BRD1: variants seen among roughly 807,000 people sequenced by gnomAD.
The protein encoded by BRD1 is bromodomain containing 1, also known as bromodomain-containing protein 1.
BRD1 carries 24 observed loss-of-function variants against 107.7 expected under a neutral mutation model. That is an observed-to-expected ratio of 0.22 (90% CI 0.16 to 0.31). The LOEUF (loss-of-function observed/expected upper bound fraction) is 0.31. Ranked by LOEUF, BRD1 falls within the 10% of genes least tolerant of loss-of-function variation. The probability of loss-of-function intolerance (pLI) is 1.00; values close to 1 mark genes in which losing one functional copy is unlikely to be tolerated. For missense variants in BRD1, 1,279 were observed against 1,638.6 expected (o/e 0.78, Z 3.79); for synonymous variants, 744 against 686.1 (o/e 1.08, Z -1.32).
rs901500399 is a variant in BRD1 at position 49,777,790 on chromosome 22, C to T, written c.2881G>A (p.Ala961Thr). Residue 961 changes from alanine (A) to threonine (T), a missense_variant, in exon 9 of 13, where the codon GCG (alanine) becomes ACG (threonine). Around this residue, in one of 7 missense-constraint regions of BRD1, gnomAD observed 263 missense variants for 251.6 expected, o/e 1.05. Coordinates refer to ENST00000404760, the MANE Select transcript of BRD1 (RefSeq NM_001304808.3). ...CCGCCCGGCTCCTGCTCGCTCCTCG[C>T]ACCCCCAAAGCCGTTGGTGAGACCT... ...DAGLTNGFGG[A>T]RSEQEPGGGL... The T allele has an allele frequency of 3.1e-6, 5 of 1,603,576 alleles. No homozygotes were observed. The East Asian group carries it at 1.1e-4, about 36-fold the overall frequency.
chr22:49,825,736 C>T (rs1230971929), intron 1 of BRD1: 3 of 152,248 alleles, frequency 2.0e-5, no homozygotes. Flanking sequence ...TTACCCTGAT[C>T]TATTGGGCCT....
intron 8 of BRD1, among the ~76,000 whole-genome samples, chr22:49,784,367 G>A (rs1252355445): frequency 1.3e-5 from 2 of 152,112 alleles, no homozygotes; most frequent in African/African-American, 4.8e-5. Context: ...CGCAGCAGGG[G>A]TCTCCGCAAC....
rs749702984 is a variant in BRD1, at chr22:49,774,257, G to C, written c.3546C>G (p.Thr1182=). The C allele has an allele frequency of 4.3e-6, 7 of 1,613,978 alleles. No homozygotes were observed. In the Admixed American group the frequency reaches 6.7e-5, roughly 15 times the overall value. The change falls in exon 13 of 13, where the codon ACC becomes ACG. Residue 1182 remains threonine (T), a synonymous_variant. Coordinates refer to ENST00000404760, the MANE Select transcript of BRD1 (RefSeq NM_001304808.3). ...GTCAGTCAATGTCACTGAGGTCGCTGGTCGGCTCCCCGTGGACGCGGCTCA... is the reference window on the plus strand; with the variant it reads ...GTCAGTCAATGTCACTGAGGTCGCTCGTCGGCTCCCCGTGGACGCGGCTCA... ...NHLSRVHGEP[T]SDLSDID is the part of the protein sequence containing the mutation.
intron 1 of BRD1, chr22:49,825,658 T>C (rs1189330201): frequency 6.6e-6 from 1 of 152,248 alleles, no homozygotes; most frequent in Non-Finnish European, 1.5e-5. Flanking sequence ...ATACTCTGCA[T>C]CTAGCCCTGC....
rs116786876 is a variant in BRD1, at chr22:49,791,234, C to T, written c.2359+2800G>A. Among the ~76,000 whole-genome samples, 644 of 152,358 alleles carry T rather than the reference C, an allele frequency of 4.2e-3. 4 individuals carry two copies. The highest frequency in any genetic ancestry group is 0.014 in the African/African-American group (587 of 41,588). ...CAGCAACAGCCCGAACCTCTGCACT[C>T]GGCAGACTGAGTCGCGGCTACGGCA... On this transcript the variant is annotated intron_variant, in intron 7 of 12. Transcript: ENST00000404760.
chr22:49,798,982 C>A lies in BRD1; in HGVS notation c.1656+6G>T. ...TGCACTCCACGCGGGACAGGCCCAG[C>A]CCCACCTGCTCACGCTTGAGCTTCT... is the stretch of plus-strand genomic sequence containing the variant. On this transcript the variant is annotated splice_donor_region_variant and intron_variant, in intron 4 of 12. Transcript: ENST00000404760. The A allele has an allele frequency of 2.5e-6, 4 of 1,601,274 alleles. No individual in the cohort carries two copies. Among genetic ancestry groups the A allele is most frequent in the South Asian group, 2.2e-5 (2 of 90,322 alleles).
chr22:49,816,668 G>C (rs911310838), intron 2 of BRD1, among the ~76,000 whole-genome samples: 2 of 152,222 alleles, frequency 1.3e-5, no homozygotes, highest in African/African-American at 4.8e-5. Flanking sequence ...GGAGGCCTAG[G>C]CAGGAGGATT....
At chr22:49,801,815 C>G (rs1317007190) in intron 3 of BRD1, among the ~76,000 whole-genome samples, 3 of 152,224 alleles carry the variant, frequency 2.0e-5, no homozygotes, top group African/African-American at 4.8e-5. Context: ...GCAACCCTCC[C>G]CCTTCCCTTG....
At position 49,823,053 on chromosome 22, in the gene BRD1, G is replaced by A; in HGVS notation, c.1265C>T (p.Ser422Phe). 1 of 1,614,244 alleles carries A rather than the reference G, an allele frequency of 6.2e-7. No homozygotes were observed. The highest frequency in any genetic ancestry group is 8.5e-7 in the Non-Finnish European group (1 of 1,180,052). ...RKESSVKTVR[S>F]TSKVRKKAKK... ...TGCCTTCTTCCTGACCTTGGATGTGGACCTGACCGTTTTAACCGAGCTCTC... is the reference window on the plus strand; with the variant it reads ...TGCCTTCTTCCTGACCTTGGATGTGAACCTGACCGTTTTAACCGAGCTCTC... The change falls in exon 2 of 13, where the codon TCC (serine) becomes TTC (phenylalanine). Residue 422 changes from serine (S) to phenylalanine (F), a missense_variant. Ser to Phe is a radical substitution (Grantham distance 155). Around this residue, in one of 7 missense-constraint regions of BRD1, gnomAD observed 87 missense variants for 77.1 expected, o/e 1.13. Transcript: ENST00000404760.
At chr22:49,791,265 T>A (rs968022486) in intron 7 of BRD1, among the ~76,000 whole-genome samples, 1 of 152,200 alleles carries the variant, frequency 6.6e-6, no homozygotes, top group Non-Finnish European at 1.5e-5. Flanking sequence ...CGGCAGAGCC[T>A]GCGGGAGGGC....
chr22:49,777,822 C>G lies in BRD1; in HGVS notation c.2858-9G>C. The stretch of plus-strand genomic sequence containing the variant: ...AAAGCCGTTGGTGAGACCTGGAACA[C>G]AGGCGGGCAGGCCCTGAGCTCAGCA... On this transcript the variant is annotated splice_polypyrimidine_tract_variant and intron_variant, in intron 8 of 12. Transcript: ENST00000404760. 6.3e-7 allele frequency: 1 copy of G among 1,591,532 alleles called. No individual in the cohort carries two copies. Among genetic ancestry groups the G allele is most frequent in the Non-Finnish European group, 8.5e-7 (1 of 1,173,004 alleles).
chr22:49,821,507 C>G (rs2060065254), intron 2 of BRD1, among the ~76,000 whole-genome samples: 1 of 152,150 alleles, frequency 6.6e-6, no homozygotes, highest in South Asian at 2.1e-4. Flanking sequence ...TTCATTCTGT[C>G]TGAATTGACT....
At chr22:49,818,528 G>T in intron 2 of BRD1, 1 of 329,656 alleles carries the variant, frequency 3.0e-6, no homozygotes, top group Non-Finnish European at 4.4e-6. Flanking sequence ...TCCATGTTAA[G>T]GGAGCCCTAA....
intron 8 of BRD1, among the ~76,000 whole-genome samples, chr22:49,781,844 G>T (rs1382180786): frequency 6.6e-6 from 1 of 152,254 alleles, no homozygotes; most frequent in African/African-American, 2.4e-5. Flanking sequence ...ACACACGGAA[G>T]AAGATTCCAA....
Position 49,781,540 on chromosome 22 carries a change from T to G in BRD1, c.2858-3727A>C, listed in dbSNP as rs985497978. 3.9e-5 allele frequency among the ~76,000 whole-genome samples: 6 copies of G among 152,320 alleles called. No homozygotes were observed. The East Asian group carries it at 9.7e-4, about 25-fold the overall frequency. ...AGAACACCAGGCCCTGATCAGTGGCTGCCGAGACACCTGAGGGCACGGAGC... is the reference window on the plus strand; with the variant it reads ...AGAACACCAGGCCCTGATCAGTGGCGGCCGAGACACCTGAGGGCACGGAGC... On this transcript the variant is annotated intron_variant, in intron 8 of 12. Transcript: ENST00000404760.
At chr22:49,775,961 C>A in intron 11 of BRD1, 89 bp downstream of exon 11, 1 of 1,091,352 alleles carries the variant, frequency 9.2e-7, no homozygotes, top group Non-Finnish European at 1.2e-6. Flanking sequence ...CCTCCTTGGA[C>A]CACCGCCGTG....
intron 8 of BRD1, 141 bp downstream of exon 8, chr22:49,787,249 T>A (rs1466208902): frequency 3.4e-6 from 4 of 1,179,960 alleles, no homozygotes; most frequent in Non-Finnish European, 4.6e-6. Flanking sequence ...AACACTGCAC[T>A]GTTGTCTTCT....
chr22:49,808,461 T>C (rs2059785988), intron 2 of BRD1, among the ~76,000 whole-genome samples: 1 of 152,182 alleles, frequency 6.6e-6, no homozygotes, highest in African/African-American at 2.4e-5. Flanking sequence ...TGTGAGGGAC[T>C]GAAGAGGAGT....
At position 49,822,880 on chromosome 22, in the gene BRD1, G is replaced by A. The variant is rs568826127; in HGVS notation, c.1367+71C>T. 1.8e-5 allele frequency: 28 copies of A among 1,539,460 alleles called. No individual in the cohort carries two copies. In the South Asian group the frequency reaches 3.0e-4, roughly 17 times the overall value. ...ATGACCACACAGCACGGGCCCTGCA[G>A]GCTGTGCCCACGTCCTCCCAGGGTC... On this transcript the variant is annotated intron_variant, in intron 2 of 12. Coordinates refer to ENST00000404760, the MANE Select transcript of BRD1 (RefSeq NM_001304808.3).
Sources: gnomAD v4.1 joint callset for allele counts (sites outside exome capture counted in the v4.1 genomes callset) on GRCh38, gnomAD v4.1.1 for gene constraint, gnomAD v4.1.1 regional missense constraint, MANE v1.5 for transcripts, NCBI Gene and HGNC (gene_info 2026-07-23, HGNC 2026-07-21) for gene names.